The following AGAP1 variants were observed in gnomAD, a reference collection of about 807,000 sequenced individuals.
The protein encoded by AGAP1 is arf-GAP with GTPase, ANK repeat and PH domain-containing protein 1.
In AGAP1, 29 loss-of-function variants were observed where a neutral mutation model predicts 105.3. That is an observed-to-expected ratio of 0.28 (90% confidence interval 0.21 to 0.38). AGAP1 has a LOEUF of 0.38. Among genes scored for constraint, AGAP1 ranks in the 10% least tolerant of loss-of-function variants. The pLI, the probability that AGAP1 is intolerant of heterozygous loss-of-function variation, is 1.00. For missense variants in AGAP1, 998 were observed against 1,165.1 expected, an observed-to-expected ratio of 0.86 and a Z score of 2.09; for synonymous variants, 509 against 485.9, an observed-to-expected ratio of 1.05 and a Z score of -0.63.
chr2:235,538,875 G>C (rs1261763467), intron 1 of AGAP1, among the ~76,000 whole-genome samples: 1 of 152,026 alleles, frequency 6.6e-6, no homozygotes, highest in Non-Finnish European at 1.5e-5. Flanking sequence ...TTAAAAGTAA[G>C]TGGAAAAAGG....
intron 6 of AGAP1, among the ~76,000 whole-genome samples, chr2:235,774,988 A>AT (rs991164354): frequency 1.9e-4 from 28 of 151,182 alleles, no homozygotes; most frequent in East Asian, 7.8e-4. Flanking sequence ...AGCCAAATTT[A>AT]TTTTTTTTTA....
intron 1 of AGAP1, among the ~76,000 whole-genome samples, chr2:235,532,497 C>T (rs2149076554): frequency 6.6e-6 from 1 of 152,322 alleles, no homozygotes; most frequent in East Asian, 1.9e-4. Context: ...TGAGCCACTG[C>T]ACCTGCCCTA....
chr2:235,732,091 A>G lies in AGAP1; in HGVS notation c.311-8872A>G, dbSNP rs1049406741. ...CACATTTTCCTGGTGTATCGCGTGC[A>G]CTTTTGATCTGCGGATTCAGATCTT... On this transcript the variant is annotated intron_variant, in intron 3 of 17. Transcript: ENST00000304032. The surrounding 1 kb of genome is among the most constrained non-coding windows in gnomAD (Gnocchi z 4.8). Among the ~76,000 whole-genome samples, 13 of 152,124 alleles carry G rather than the reference A, an allele frequency of 8.5e-5. No homozygotes were observed. Among genetic ancestry groups the G allele is most frequent in the Non-Finnish European group, 1.9e-4 (13 of 68,026 alleles).
Position 235,919,709 on chromosome 2 carries a change from A to AACACAC in AGAP1, c.1324+10814_1324+10819dup, listed in dbSNP as rs374754076. 3.8e-4 allele frequency among the ~76,000 whole-genome samples: 58 copies of AACACAC among 152,026 alleles called. No homozygotes were observed. Among genetic ancestry groups the AACACAC allele is most frequent in the African/African-American group, 1.3e-3 (55 of 41,490 alleles). ...AAATGAAAATGAATTTCATGTTAAA[A>AACACAC]ACACACACACACACACCTGTTGCAT... is the stretch of plus-strand genomic sequence containing the variant. On this transcript the variant is annotated intron_variant, in intron 11 of 17. Transcript: ENST00000304032. This position sits in a 1 kb window ranked among gnomAD's most constrained non-coding sequence, Gnocchi z 4.1.
intron 16 of AGAP1, among the ~76,000 whole-genome samples, chr2:236,099,449 C>T (rs568351495): frequency 6.0e-5 from 9 of 150,310 alleles, no homozygotes; most frequent in South Asian, 4.2e-4. Flanking sequence ...AGCGAGACTC[C>T]GCCTCAAAAA....
In AGAP1 at chr2:236,089,509, G is replaced by A. The variant is rs1341156063; in HGVS notation, c.2115-30683G>A. Among the ~76,000 whole-genome samples, 1 of 152,200 alleles carries A rather than the reference G, an allele frequency of 6.6e-6. No individual in the cohort carries two copies. Among genetic ancestry groups the A allele is most frequent in the Non-Finnish European group, 1.5e-5 (1 of 68,032 alleles). ...ACTGGGAGGTGGCCTGATGGCCTGC[G>A]CCTGTTGCCGTTGATGAGACCCAAA... On this transcript the variant is annotated intron_variant, in intron 16 of 17. Coordinates refer to ENST00000304032, the MANE Select transcript of AGAP1 (RefSeq NM_001037131.3). The surrounding 1 kb of genome is among the most constrained non-coding windows in gnomAD (Gnocchi z 5.6).
rs201123570 is a variant in AGAP1, at chr2:236,123,935, C to G, written c.2387C>G (p.Thr796Arg). 6.2e-7 allele frequency: 1 copy of G among 1,613,244 alleles called. No homozygotes were observed. The highest frequency in any genetic ancestry group is 8.5e-7 in the Non-Finnish European group (1 of 1,179,876). The change falls in exon 18 of 18, where the codon ACG (threonine) becomes AGG (arginine). Residue 796 changes from threonine (T) to arginine (R), a missense_variant. Physicochemically the swap from Thr to Arg is moderately conservative, Grantham distance 71 (BLOSUM62 -1). This residue lies in a region of AGAP1 where 235 missense variants were observed against 270.7 expected (regional missense o/e 0.87). Transcript: ENST00000304032. This position sits in a 1 kb window ranked among gnomAD's most constrained non-coding sequence, Gnocchi z 4.6. ...CCTCCGCAGTACGGAGTGGACGTCA[C>G]GGCCCGAGATGCCCACGGGAACACA... is the stretch of plus-strand genomic sequence containing the variant. ...QLLIWYGVDV[T>R]ARDAHGNTAL... is the part of the protein sequence containing the mutation.
chr2:236,104,344 G>A lies in AGAP1; in HGVS notation c.2115-15848G>A, dbSNP rs540809440. Reference sequence around the variant, plus strand: ...CATCCCCAGTGCCCTCTGACTGCACGGGGCTGAGAAGTCCCCCAGCGGTGC... The same window carrying A: ...CATCCCCAGTGCCCTCTGACTGCACAGGGCTGAGAAGTCCCCCAGCGGTGC... On this transcript the variant is annotated intron_variant, in intron 16 of 17. Coordinates refer to ENST00000304032, the MANE Select transcript of AGAP1 (RefSeq NM_001037131.3). This position sits in a 1 kb window ranked among gnomAD's most constrained non-coding sequence, Gnocchi z 4.7. Among the ~76,000 whole-genome samples the A allele has an allele frequency of 1.4e-4, 21 of 152,324 alleles. No homozygotes were observed. Among genetic ancestry groups the A allele is most frequent in the Non-Finnish European group, 2.6e-4 (18 of 68,020 alleles).
intron 9 of AGAP1, among the ~76,000 whole-genome samples, chr2:235,862,930 C>T (rs1447210252): frequency 6.6e-6 from 1 of 152,194 alleles, no homozygotes; most frequent in Non-Finnish European, 1.5e-5. Flanking sequence ...CTAATCTCCT[C>T]TGCTCTGTGT....
chr2:235,591,650 G>T (rs1197862864), intron 1 of AGAP1, among the ~76,000 whole-genome samples: 1 of 152,172 alleles, frequency 6.6e-6, no homozygotes. Context: ...CCCAGTGTTG[G>T]AAGCGAGGCC....
At position 235,504,117 on chromosome 2, in the gene AGAP1, C is replaced by T. The variant is rs146666239; in HGVS notation, c.163+9268C>T. Among the ~76,000 whole-genome samples, 130 of 152,222 alleles carry T rather than the reference C, an allele frequency of 8.5e-4. 2 individuals are homozygous for T. Among genetic ancestry groups the T allele is most frequent in the African/African-American group, 2.9e-3 (122 of 41,542 alleles). ...TTGGCCTCCCTAAGTCTTAGGTTTA[C>T]AGGCTTGAGCCACCACGCCCAGCCT... On this transcript the variant is annotated intron_variant, in intron 1 of 17. Transcript: ENST00000304032.
chr2:235,804,848 G>T (rs1957758761), intron 8 of AGAP1, among the ~76,000 whole-genome samples: 3 of 152,232 alleles, frequency 2.0e-5, no homozygotes. Context: ...TGTATGCAGG[G>T]CAGGGTCACT....
chr2:236,094,617 G>A (rs1360790472), intron 16 of AGAP1, among the ~76,000 whole-genome samples: 7 of 152,024 alleles, frequency 4.6e-5, no homozygotes, highest in South Asian at 4.1e-4. Context: ...CTCCCAAAGC[G>A]CTGGAATTAC....
rs572139735 is a variant in AGAP1 at position 235,602,142 on chromosome 2, G to A, written c.164-107037G>A. On this transcript the variant is annotated intron_variant, in intron 1 of 17. Coordinates refer to ENST00000304032, the MANE Select transcript of AGAP1 (RefSeq NM_001037131.3). Reference sequence around the variant, plus strand: ...CTTTCTAGCTCAGCACAGTTTCTGTGGTTTTAAGTAGTTGGGGGAAAAAAT... The same window carrying A: ...CTTTCTAGCTCAGCACAGTTTCTGTAGTTTTAAGTAGTTGGGGGAAAAAAT... Among the ~76,000 whole-genome samples, 21 of 152,290 alleles carry A rather than the reference G, an allele frequency of 1.4e-4. No individual in the cohort carries two copies. In the South Asian group the frequency reaches 4.1e-3, roughly 30 times the overall value.
At chr2:235,800,404 A>G (rs1427444967) in intron 8 of AGAP1, among the ~76,000 whole-genome samples, 1 of 152,016 alleles carries the variant, frequency 6.6e-6, no homozygotes, top group Non-Finnish European at 1.5e-5. Flanking sequence ...CACAGCCAGC[A>G]TGTGAAGTGC....
At position 236,083,659 on chromosome 2, in the gene AGAP1, T is replaced by C. The variant is rs976503904; in HGVS notation, c.2114+34378T>C. On this transcript the variant is annotated intron_variant, in intron 16 of 17. Transcript: ENST00000304032. The surrounding 1 kb of genome is among the most constrained non-coding windows in gnomAD (Gnocchi z 5.3). ...CATTCTTAAATAGTTTATTGTCTTA[T>C]AATAATGTGGGCTTTTTTGTTTTAC... is the stretch of plus-strand genomic sequence containing the variant. Among the ~76,000 whole-genome samples the C allele has an allele frequency of 6.6e-6, 1 of 152,240 alleles. No homozygotes were observed. Among genetic ancestry groups the C allele is most frequent in the African/African-American group, 2.4e-5 (1 of 41,472 alleles).
Position 235,717,450 on chromosome 2 carries a change from G to A in AGAP1, c.223-107G>A, listed in dbSNP as rs34911698. The A allele has an allele frequency of 2.5e-3, 2,174 of 860,200 alleles. 65 individuals are homozygous for A. The Admixed American group carries it at 0.052, about 20-fold the overall frequency. The allele number at this position is 860,200 out of a possible 1,614,324, so 53.3% of individuals were successfully genotyped here. A position where few individuals can be genotyped will look rare whatever the true frequency, so the allele number is the denominator to read the frequency against. On this transcript the variant is annotated intron_variant, in intron 2 of 17. Transcript: ENST00000304032. ...GTTTTTGGCCATCCAGCCAGTGCTT[G>A]GTTATGTTTGTGTTTAGGCCTCCTG...
At chr2:235,704,211 A>G (rs931032796) in intron 1 of AGAP1, among the ~76,000 whole-genome samples, 5 of 152,254 alleles carry the variant, frequency 3.3e-5, no homozygotes, top group African/African-American at 4.8e-5. Context: ...CTTTCTGCCC[A>G]TGGCAACCTG....
chr2:235,508,676 C>T (rs185339257), intron 1 of AGAP1, among the ~76,000 whole-genome samples: 9 of 152,240 alleles, frequency 5.9e-5, no homozygotes, highest in Admixed American at 2.6e-4. Flanking sequence ...AATTCACCTG[C>T]GTTTAGGAAA....
Sources: allele counts gnomAD v4.1 joint callset (sites outside exome capture counted in the v4.1 genomes callset), GRCh38; gene constraint gnomAD v4.1.1; regional missense constraint gnomAD v4.1.1; non-coding constraint Gnocchi (gnomAD v3.1); transcripts MANE v1.5; gene names NCBI Gene and HGNC (gene_info 2026-07-23, HGNC 2026-07-21).